The following PAM variants were observed in gnomAD, a reference collection of about 807,000 sequenced individuals.
PAM encodes peptidyl-glycine alpha-amidating monooxygenase.
A neutral mutation model predicts 122.1 loss-of-function variants in PAM; 72 were observed. That is an observed-to-expected ratio of 0.59 (90% CI 0.49 to 0.72). The LOEUF (loss-of-function observed/expected upper bound fraction) is 0.72. Ranked by LOEUF, PAM falls within the 30% of genes least tolerant of loss-of-function variation. The pLI is 0.00. For missense variants in PAM, 1,106 were observed against 1,183.7 expected, an observed-to-expected ratio of 0.93 and a Z score of 0.96; for synonymous variants, 389 against 404.4, an observed-to-expected ratio of 0.96 and a Z score of 0.46.
intron 3 of PAM, among the ~76,000 whole-genome samples, chr5:102,876,420 T>C (rs910402579): frequency 6.6e-6 from 1 of 152,200 alleles, no homozygotes; most frequent in Non-Finnish European, 1.5e-5. Flanking sequence ...CTAATACCAT[T>C]GAAGAGTTTC....
chr5:102,882,110 T>TATATATATATAC (rs1561748160), intron 3 of PAM, among the ~76,000 whole-genome samples: 3 of 103,792 alleles, frequency 2.9e-5, no homozygotes, highest in Admixed American at 1.0e-4. Context: ...TATATATATA[T>TATATATATATAC]ACACCACATT....
Position 102,925,019 on chromosome 5 carries a change from C to A in PAM, c.419C>A (p.Ala140Asp). ...ANILYAWARN[A>D]PPTRLPKGVG... is the part of the protein sequence containing the mutation. Reference sequence around the variant, plus strand: ...ATTCTGTATGCCTGGGCGAGAAATGCTCCCCCTACCCGGCTCCCCAAAGGT... The same window carrying A: ...ATTCTGTATGCCTGGGCGAGAAATGATCCCCCTACCCGGCTCCCCAAAGGT... The change falls in exon 6 of 26, where the codon GCT becomes GAT. Residue 140 changes from alanine (A) to aspartate (D), a missense_variant. Transcript: ENST00000438793. 6.3e-7 allele frequency: 1 copy of A among 1,580,978 alleles called. No individual in the cohort carries two copies. Among genetic ancestry groups the A allele is most frequent in the Non-Finnish European group, 8.7e-7 (1 of 1,149,654 alleles).
At chr5:102,863,815 T>C (rs1332586199) in intron 1 of PAM, among the ~76,000 whole-genome samples, 1 of 151,386 alleles carries the variant, frequency 6.6e-6, no homozygotes, top group Non-Finnish European at 1.5e-5. Flanking sequence ...GATTTGTATT[T>C]TGTCTTTAGC....
chr5:102,917,979 G>A (rs1456862335), intron 5 of PAM, among the ~76,000 whole-genome samples: 2 of 152,018 alleles, frequency 1.3e-5, no homozygotes, highest in Admixed American at 6.6e-5. Flanking sequence ...GCTCACATTG[G>A]CAATGTGTCT....
chr5:102,786,829 T>C (rs1760678789), intron 1 of PAM, among the ~76,000 whole-genome samples: 1 of 152,130 alleles, frequency 6.6e-6, no homozygotes, highest in Non-Finnish European at 1.5e-5. Context: ...ACTCTTTTGA[T>C]ATGTGGTATA....
chr5:102,924,729 C>A (rs1183588682), intron 5 of PAM, among the ~76,000 whole-genome samples: 5 of 150,316 alleles, frequency 3.3e-5, no homozygotes, highest in East Asian at 1.9e-4. Context: ...AGGATTGTTT[C>A]ATATCAGGCA....
chr5:102,912,911 T>TC (rs1801857526), intron 4 of PAM, among the ~76,000 whole-genome samples: 1 of 152,090 alleles, frequency 6.6e-6, no homozygotes, highest in Admixed American at 6.6e-5. Flanking sequence ...CACATAGTGC[T>TC]ATGTTTTTGG....
At chr5:102,807,334 T>C (rs1038513446) in intron 1 of PAM, among the ~76,000 whole-genome samples, 19 of 152,208 alleles carry the variant, frequency 1.2e-4, no homozygotes, top group East Asian at 9.6e-4. Context: ...AACTGGATAT[T>C]TTAAAGAGAG....
intron 21 of PAM, 120 bp downstream of exon 21, chr5:103,009,986 T>C (rs1440595201): frequency 4.9e-6 from 2 of 407,200 alleles, no homozygotes; most frequent in Admixed American, 4.1e-5. Flanking sequence ...GTGATAACTT[T>C]CTTAGCAAGG....
chr5:102,965,349 A>G (rs537156748), intron 14 of PAM, among the ~76,000 whole-genome samples: 5 of 151,750 alleles, frequency 3.3e-5, no homozygotes, highest in Non-Finnish European at 5.9e-5. Context: ...AGCAAAGAAT[A>G]TGGGCTTGAA....
intron 7 of PAM, among the ~76,000 whole-genome samples, chr5:102,930,754 T>C (rs1462142736): frequency 6.6e-6 from 1 of 152,136 alleles, no homozygotes; most frequent in African/African-American, 2.4e-5. Context: ...ATGAAGAAAG[T>C]ATGGGGCTGT....
chr5:102,835,195 G>T (rs958510815), intron 1 of PAM, among the ~76,000 whole-genome samples: 1 of 152,074 alleles, frequency 6.6e-6, no homozygotes, highest in Non-Finnish European at 1.5e-5. Flanking sequence ...CCTCAAAATA[G>T]CCTACATTGA....
At chr5:102,801,840 G>A (rs1056384904) in intron 1 of PAM, among the ~76,000 whole-genome samples, 15 of 142,760 alleles carry the variant, frequency 1.1e-4, no homozygotes, top group African/African-American at 3.2e-4. Context: ...GTGCAGTGGC[G>A]CGATCTCGGC....
Position 102,956,906 on chromosome 5 carries a change from A to G in PAM, c.906-2969A>G, listed in dbSNP as rs1760934355. 2.0e-5 allele frequency among the ~76,000 whole-genome samples: 3 copies of G among 152,098 alleles called. No individual in the cohort carries two copies. In the South Asian group the frequency reaches 6.2e-4, roughly 31 times the overall value. On this transcript the variant is annotated intron_variant, in intron 12 of 25. Transcript: ENST00000438793. ...ATGTTAAAAACAAATCCTTCCAAAT[A>G]TACATGTAACACCAAAATTATCTTT...
intron 1 of PAM, among the ~76,000 whole-genome samples, chr5:102,802,917 A>G (rs1050185157): frequency 1.3e-5 from 2 of 152,108 alleles, no homozygotes; most frequent in African/African-American, 4.8e-5. Flanking sequence ...AAAGTCATGG[A>G]GGCTAGCCTC....
intron 1 of PAM, among the ~76,000 whole-genome samples, chr5:102,778,572 A>T (rs1009842780): frequency 2.6e-5 from 4 of 152,154 alleles, no homozygotes; most frequent in African/African-American, 9.7e-5. Flanking sequence ...GGACTGCTCA[A>T]GTAGATTATT....
intron 1 of PAM, among the ~76,000 whole-genome samples, chr5:102,828,549 G>T (rs939085145): frequency 6.6e-6 from 1 of 152,072 alleles, no homozygotes; most frequent in African/African-American, 2.4e-5. Context: ...GCCTAGTGTA[G>T]GTTACTTACC....
intron 1 of PAM, among the ~76,000 whole-genome samples, chr5:102,762,160 C>T (rs1752541206): frequency 6.6e-6 from 1 of 152,216 alleles, no homozygotes; most frequent in South Asian, 2.1e-4. Flanking sequence ...CTTCCTCAGC[C>T]CTGCTGAATC....
At chr5:102,947,028 C>G in intron 8 of PAM, 143 bp downstream of exon 8, 1 of 690,794 alleles carries the variant, frequency 1.4e-6, no homozygotes, top group Non-Finnish European at 2.6e-6. Context: ...GTCTCATTTT[C>G]CTGTATGTCA....
Sources: allele counts gnomAD v4.1 joint callset (sites outside exome capture counted in the v4.1 genomes callset), GRCh38; gene constraint gnomAD v4.1.1; transcripts MANE v1.5; gene names NCBI Gene and HGNC (gene_info 2026-07-23, HGNC 2026-07-21).